DCAKD: variants seen among roughly 807,000 people sequenced by gnomAD.
DCAKD encodes dephospho-CoA kinase domain-containing protein.
Under a neutral mutation model 18.7 loss-of-function variants are expected in DCAKD, and 15 were observed. The observed-to-expected ratio is 0.80, with a 90% CI of 0.54 to 1.24. The LOEUF (loss-of-function observed/expected upper bound fraction) is 1.24. Among genes scored for constraint, DCAKD ranks in the 50% most tolerant of loss-of-function variants. DCAKD has a pLI of 0.00. For synonymous variants in DCAKD, 130 were observed against 133.0 expected (o/e 0.98, Z 0.16); for missense variants, 301 against 322.0 (o/e 0.93, Z 0.50).
At chr17:45,046,444 C>T (rs1567847742) in intron 1 of DCAKD, among the ~76,000 whole-genome samples, 1 of 152,002 alleles carries the variant, frequency 6.6e-6, no homozygotes, top group South Asian at 2.1e-4. Flanking sequence ...GGTGAAACCC[C>T]ATCTCTACTA....
chr17:45,048,763 G>A (rs546105033), intron 1 of DCAKD, among the ~76,000 whole-genome samples: 24 of 152,204 alleles, frequency 1.6e-4, no homozygotes, highest in African/African-American at 5.8e-4. Context: ...CCAAGACTGC[G>A]CCACTGCACT....
intron 1 of DCAKD, among the ~76,000 whole-genome samples, chr17:45,039,515 A>G (rs1256413786): frequency 6.6e-6 from 1 of 152,232 alleles, no homozygotes; most frequent in Non-Finnish European, 1.5e-5. Context: ...CATGGCTAAA[A>G]TGAAAGGCTG....
At chr17:45,030,863 T>C (rs937289310) in intron 3 of DCAKD, 20 of 562,216 alleles carry the variant, frequency 3.6e-5, no homozygotes, top group African/African-American at 3.3e-4. Flanking sequence ...TAAAACTGTA[T>C]TACACTCCTG....
At chr17:45,057,313 G>A (rs2053792276) in intron 1 of DCAKD, among the ~76,000 whole-genome samples, 1 of 151,976 alleles carries the variant, frequency 6.6e-6, no homozygotes, top group South Asian at 2.1e-4. Flanking sequence ...AAAGTGTTGG[G>A]ATTACAGGCA....
chr17:45,031,758 C>T (rs1425782272), intron 3 of DCAKD: 7 of 985,448 alleles, frequency 7.1e-6, no homozygotes, highest in Non-Finnish European at 8.4e-6. Flanking sequence ...TGTCACATCC[C>T]TCCTGTCTGA....
At chr17:45,031,899 G>C in intron 3 of DCAKD, 1 of 985,374 alleles carries the variant, frequency 1.0e-6, no homozygotes, top group Non-Finnish European at 1.2e-6. Context: ...ATACTCATCA[G>C]GGAAAAACTG....
chr17:45,060,410 A>G (rs757175719), intron 1 of DCAKD, among the ~76,000 whole-genome samples: 1 of 152,008 alleles, frequency 6.6e-6, no homozygotes, highest in Non-Finnish European at 1.5e-5. Flanking sequence ...CTATAGTCCT[A>G]GGTACTTGGG....
chr17:45,048,309 C>A (rs1294667866), intron 1 of DCAKD, among the ~76,000 whole-genome samples: 1 of 151,728 alleles, frequency 6.6e-6, no homozygotes, highest in Non-Finnish European at 1.5e-5. Context: ...TTGAGACCAG[C>A]CTGCCTGGCC....
intron 1 of DCAKD, among the ~76,000 whole-genome samples, chr17:45,041,968 T>G (rs1477022309): frequency 1.3e-5 from 2 of 149,152 alleles, no homozygotes; most frequent in Non-Finnish European, 3.0e-5. Flanking sequence ...AAAAAAAAAA[T>G]AGCTGGGCAT....
chr17:45,046,087 AC>A (rs138922087), intron 1 of DCAKD, among the ~76,000 whole-genome samples: 58,011 of 151,708 alleles, frequency 0.38, 11,667 homozygotes, highest in African/African-American at 0.45. Flanking sequence ...TCGGCCTCCC[AC>A]AAGTGCTAGG....
chr17:45,040,593 C>T (rs1029228717), intron 1 of DCAKD, among the ~76,000 whole-genome samples: 3 of 152,094 alleles, frequency 2.0e-5, no homozygotes, highest in African/African-American at 7.2e-5. Context: ...GGACCAATCC[C>T]AGGTATGGGA....
At chr17:45,042,040 C>T (rs2053450187) in intron 1 of DCAKD, among the ~76,000 whole-genome samples, 2 of 151,976 alleles carry the variant, frequency 1.3e-5, no homozygotes, top group Admixed American at 1.3e-4. Context: ...TGCTTGAGCC[C>T]AGGAGTTGGA....
At chr17:45,054,108 T>A (rs2053755223), upstream of DCAKD, 2 of 518,942 alleles carry the variant, frequency 3.9e-6, no homozygotes, top group African/African-American at 3.9e-5. Context: ...CATCACCCAA[T>A]AAAAAGGATT....
chr17:45,046,078 C>G (rs749207478), intron 1 of DCAKD, among the ~76,000 whole-genome samples: 1 of 126,762 alleles, frequency 7.9e-6, no homozygotes, highest in Non-Finnish European at 1.8e-5. Flanking sequence ...CCGCTTGCCT[C>G]GGCCTCCCAC....
chr17:45,059,102 A>T (rs2053820386), intron 1 of DCAKD, among the ~76,000 whole-genome samples: 3 of 151,960 alleles, frequency 2.0e-5, no homozygotes, highest in Admixed American at 6.6e-5. Flanking sequence ...TAGCCGGGTG[A>T]GGTGGCGGGC....
rs529399305 is a variant in DCAKD at position 45,057,420 on chromosome 17, C to T, written c.-118+3468G>A. On this transcript the variant is annotated intron_variant, in intron 1 of 4. Coordinates refer to the DCAKD transcript ENST00000310604. ...AAATTGTTTCAAAGTGGAAAGCTCT[C>T]GGCTGGGCGCAGTGGCTCATGCCTG... 4.0e-5 allele frequency among the ~76,000 whole-genome samples: 6 copies of T among 150,096 alleles called. No individual in the cohort carries two copies. In the East Asian group the frequency reaches 6.3e-4, roughly 16 times the overall value.
chr17:45,053,935 T>A (rs1301326725), upstream of DCAKD, among the ~76,000 whole-genome samples: 1 of 152,170 alleles, frequency 6.6e-6, no homozygotes, highest in Non-Finnish European at 1.5e-5. Flanking sequence ...ATTCTCTACT[T>A]CCTTTAAGGT....
chr17:45,023,655 T>C lies in DCAKD; in HGVS notation c.*778A>G, dbSNP rs141098273. The C allele has an allele frequency of 3.4e-4, 44 of 128,358 alleles. No homozygotes were observed. The highest frequency in any genetic ancestry group is 1.2e-3 in the African/African-American group (41 of 33,732). 8.0% of individuals were successfully genotyped at this position (128,358 alleles called of 1,614,324 possible). On this transcript the variant is annotated 3_prime_UTR_variant, in exon 5 of 5. Transcript: ENST00000651974. ...AGAAGAAATAAAAGAAAATAAAAGG[T>C]ATCCCAGGCCAGGAGCAGCAGGTTG...
At chr17:45,034,646 A>G in intron 2 of DCAKD, 128 bp downstream of exon 2, 2 of 1,082,240 alleles carry the variant, frequency 1.8e-6, no homozygotes, top group Middle Eastern at 2.9e-4. Flanking sequence ...GGGCAGAGAC[A>G]GAAGTCAGAC....
Sources: allele counts gnomAD v4.1 joint callset (sites outside exome capture counted in the v4.1 genomes callset), GRCh38; gene constraint gnomAD v4.1.1; transcripts MANE v1.5; gene names NCBI Gene and HGNC (gene_info 2026-07-23, HGNC 2026-07-21).